Variants in FGD4 observed in about 807,000 individuals in gnomAD.
The protein encoded by FGD4 is FYVE, RhoGEF and PH domain-containing protein 4.
Under a neutral mutation model 102.0 loss-of-function variants are expected in FGD4, and 42 were observed. The ratio of observed to expected loss-of-function variants is 0.41; its 90% CI spans 0.32 to 0.53. The LOEUF (loss-of-function observed/expected upper bound fraction) is 0.53. FGD4 is among the 20% of genes least tolerant of loss of function. The pLI, the probability that FGD4 is intolerant of heterozygous loss-of-function variation, is 0.21. For missense variants in FGD4, 902 were observed against 1,078.2 expected (o/e 0.84, Z 2.29); for synonymous variants, 380 against 375.7 (o/e 1.01, Z -0.13).
At chr12:32,512,696 A>G (rs960656081) in intron 1 of FGD4, among the ~76,000 whole-genome samples, 31 of 152,292 alleles carry the variant, frequency 2.0e-4, no homozygotes, top group South Asian at 4.2e-4. Flanking sequence ...AGGCTGATCC[A>G]GGGCCCACCT....
At chr12:32,511,803 T>G (rs1939403679) in intron 1 of FGD4, 1 of 152,102 alleles carries the variant, frequency 6.6e-6, no homozygotes, top group Non-Finnish European at 1.5e-5. Context: ...AAAGCAATAT[T>G]AAAGGTATAT....
At chr12:32,501,624 ATT>A (rs1938224169) in intron 1 of FGD4, among the ~76,000 whole-genome samples, 1 of 152,232 alleles carries the variant, frequency 6.6e-6, no homozygotes, top group African/African-American at 2.4e-5. Flanking sequence ...AGAAATTATT[ATT>A]TTATAACACA....
chr12:32,615,693 G>A (rs73311051), intron 10 of FGD4, among the ~76,000 whole-genome samples: 4,971 of 152,036 alleles, frequency 0.033, 253 homozygotes, highest in African/African-American at 0.11. Context: ...CAGTGGGGAA[G>A]CACCAGCGTC....
At chr12:32,427,379 G>A (rs1941877415) in intron 1 of FGD4, among the ~76,000 whole-genome samples, 1 of 152,198 alleles carries the variant, frequency 6.6e-6, no homozygotes, top group Admixed American at 6.5e-5. Context: ...GCAGTTTTGA[G>A]TGAGTTTCTT....
intron 15 of FGD4, among the ~76,000 whole-genome samples, chr12:32,638,085 G>A (rs564781573): frequency 7.4e-4 from 112 of 152,272 alleles, no homozygotes; most frequent in African/African-American, 2.6e-3. Flanking sequence ...CTCTGTTCTG[G>A]GCACAGTGAC....
intron 1 of FGD4, chr12:32,485,939 A>G: frequency 1.6e-6 from 2 of 1,274,268 alleles, no homozygotes; most frequent in Non-Finnish European, 2.0e-6. Context: ...TGCCAGAAGA[A>G]GACTTATGAA....
intron 4 of FGD4, among the ~76,000 whole-genome samples, chr12:32,592,671 A>G (rs905715699): frequency 6.6e-6 from 1 of 152,278 alleles, no homozygotes; most frequent in South Asian, 2.1e-4. Flanking sequence ...TGTAATTCTA[A>G]TATAGTAATA....
chr12:32,626,131 A>G (rs575350529), intron 14 of FGD4, among the ~76,000 whole-genome samples: 1 of 152,328 alleles, frequency 6.6e-6, no homozygotes, highest in East Asian at 1.9e-4. Flanking sequence ...AGGGGTTGGT[A>G]TTTAAGTTGA....
chr12:32,399,631 A>C lies in FGD4; in HGVS notation c.-163A>C, dbSNP rs117574746. 111,783 of 1,399,620 alleles carry C rather than the reference A, an allele frequency of 0.08. 5,061 individuals are homozygous for C. The highest frequency in any genetic ancestry group is 0.13 in the South Asian group (8,503 of 64,626). The allele number at this position is 1,399,620 out of a possible 1,614,324, so 86.7% of individuals were successfully genotyped here. ...TCGCCGCGACGCCGGGAGGGAGCGT[A>C]CCGGGAAGGAGAGGGAGAGGAGGCA... is the stretch of plus-strand genomic sequence containing the variant. On this transcript the variant is annotated 5_prime_UTR_variant, in exon 1 of 17. Coordinates refer to ENST00000534526, the MANE Select transcript of FGD4 (RefSeq NM_001370298.3).
At position 32,582,341 on chromosome 12, in the gene FGD4, T is replaced by C; in HGVS notation, c.885T>C (p.Thr295=). ...ATGCTTCTGACAGTAGCTACAGGACTCCAGGCATAGGCCCAGTGCTCCCCC... is the reference window on the plus strand; with the variant it reads ...ATGCTTCTGACAGTAGCTACAGGACCCCAGGCATAGGCCCAGTGCTCCCCC... ...DGNASDSSYR[T]PGIGPVLPLE... is the part of the protein sequence containing the mutation. Residue 295 remains threonine (T), a synonymous_variant, in exon 4 of 17, where the codon ACT becomes ACC. Coordinates refer to ENST00000534526, the MANE Select transcript of FGD4 (RefSeq NM_001370298.3). 6.2e-7 allele frequency: 1 copy of C among 1,614,064 alleles called. No homozygotes were observed. The highest frequency in any genetic ancestry group is 1.1e-5 in the South Asian group (1 of 91,084).
intron 5 of FGD4, chr12:32,600,638 A>G: frequency 8.9e-6 from 2 of 225,668 alleles, no homozygotes; most frequent in East Asian, 1.4e-4. Context: ...ATGTGTAGGA[A>G]GAGACTTTTC....
Position 32,598,704 on chromosome 12 carries a change from G to C in FGD4, c.1101+118G>C, listed in dbSNP as rs572039466. The C allele has an allele frequency of 8.7e-6, 7 of 802,102 alleles. No individual in the cohort carries two copies. In the African/African-American group the frequency reaches 1.2e-4, roughly 14 times the overall value. The allele number at this position is 802,102 out of a possible 1,614,324, so 49.7% of individuals were successfully genotyped here. A position where few individuals can be genotyped will look rare whatever the true frequency, so the allele number is the denominator to read the frequency against. On this transcript the variant is annotated intron_variant, in intron 5 of 16. Transcript: ENST00000534526. ...AGGGCCTGTTTTTGGCTAGTGAAAG[G>C]TACTTGCTCAAGGAAATCTCCAGCA... is the stretch of plus-strand genomic sequence containing the variant.
intron 2 of FGD4, 41 bp downstream of exon 2, chr12:32,564,330 T>C (rs973203794): frequency 1.3e-6 from 2 of 1,527,848 alleles, no homozygotes; most frequent in African/African-American, 2.7e-5. Flanking sequence ...GGGTACGTTG[T>C]TGATCAATGA....
intron 1 of FGD4, among the ~76,000 whole-genome samples, chr12:32,414,684 CT>C (rs1361204171): frequency 6.6e-6 from 1 of 152,108 alleles, no homozygotes; most frequent in Non-Finnish European, 1.5e-5. Context: ...CAAAGTTTGT[CT>C]TTCTGTGACT....
chr12:32,599,473 T>C (rs1334411303), intron 5 of FGD4, among the ~76,000 whole-genome samples: 2 of 69,772 alleles, frequency 2.9e-5, no homozygotes, highest in South Asian at 5.4e-4. Flanking sequence ...CCAGCCTGGG[T>C]GACAGAGCGA....
chr12:32,410,384 TG>T (rs1196781832), intron 1 of FGD4, among the ~76,000 whole-genome samples: 2 of 148,216 alleles, frequency 1.3e-5, no homozygotes, highest in Non-Finnish European at 3.0e-5. Context: ...GAGGGTGAGG[TG>T]GGAGGATTGC....
intron 2 of FGD4, among the ~76,000 whole-genome samples, chr12:32,570,140 T>C (rs1945522571): frequency 6.7e-6 from 1 of 150,272 alleles, no homozygotes; most frequent in African/African-American, 2.4e-5. Flanking sequence ...ATTTGGGAGT[T>C]TGAGGCAGCA....
chr12:32,401,803 A>T (rs1383931958), intron 1 of FGD4, among the ~76,000 whole-genome samples: 1 of 138,810 alleles, frequency 7.2e-6, no homozygotes, highest in Admixed American at 8.1e-5. Context: ...ATCTCGGCTC[A>T]CTGCAACCTC....
rs1236993592 is a variant in FGD4, at chr12:32,601,975, C to A, written c.1248-186C>A. 4.6e-5 allele frequency among the ~76,000 whole-genome samples: 7 copies of A among 152,086 alleles called. No homozygotes were observed. The South Asian group carries it at 1.2e-3, about 27-fold the overall frequency. ...TACAAAAAGCTAGCCACTAGCCAGG[C>A]GTGGTGGCGCGTGCCTGTAGTCCCA... On this transcript the variant is annotated intron_variant, in intron 6 of 16. Coordinates refer to ENST00000534526, the MANE Select transcript of FGD4 (RefSeq NM_001370298.3).
Sources: gnomAD v4.1 joint callset for allele counts (sites outside exome capture counted in the v4.1 genomes callset) on GRCh38, gnomAD v4.1.1 for gene constraint, MANE v1.5 for transcripts, NCBI Gene and HGNC (gene_info 2026-07-23, HGNC 2026-07-21) for gene names.